Variants in BPIFB2 observed in about 807,000 individuals in gnomAD.
BPIFB2 encodes BPI fold containing family B member 2, also known as BPI fold-containing family B member 2.
Under a neutral mutation model 50.1 loss-of-function variants are expected in BPIFB2, and 39 were observed. The ratio of observed to expected loss-of-function variants is 0.78; its 90% CI spans 0.60 to 1.02. BPIFB2 has a LOEUF of 1.02. Among genes scored for constraint, BPIFB2 ranks in the 50% least tolerant of loss-of-function variants. The pLI, the probability that BPIFB2 is intolerant of heterozygous loss-of-function variation, is 0.00. For missense variants in BPIFB2, 574 were observed against 585.8 expected, an observed-to-expected ratio of 0.98 and a Z score of 0.21; for synonymous variants, 280 against 256.3, an observed-to-expected ratio of 1.09 and a Z score of -0.88.
chr20:33,021,381 G>C (rs1568979992), intron 14 of BPIFB2, 37 bp downstream of exon 14: 2 of 1,583,514 alleles, frequency 1.3e-6, no homozygotes, highest in Non-Finnish European at 1.7e-6. Context: ...GGCCCCTCTG[G>C]CCCCCTCCAT....
chr20:33,019,521 G>T, intron 10 of BPIFB2, 59 bp from the exon 11 acceptor site: 1 of 1,502,212 alleles, frequency 6.7e-7, no homozygotes, highest in South Asian at 1.3e-5. Context: ...AGGAGTGACT[G>T]ACCAGAGAGC....
intron 3 of BPIFB2, among the ~76,000 whole-genome samples, chr20:33,011,512 T>C (rs986934206): frequency 3.3e-5 from 5 of 152,218 alleles, no homozygotes; most frequent in Non-Finnish European, 5.9e-5. Context: ...CTCTGCTTAA[T>C]GCAGAAACTA....
At chr20:33,008,772 GC>G in intron 2 of BPIFB2, 89 bp downstream of exon 2, 2 of 1,136,940 alleles carry the variant, frequency 1.8e-6, no homozygotes, top group Non-Finnish European at 2.4e-6. Context: ...AACTCAAAAG[GC>G]CCATGAGGAC....
At chr20:33,012,042 C>G (rs893152688) in intron 3 of BPIFB2, among the ~76,000 whole-genome samples, 1 of 152,142 alleles carries the variant, frequency 6.6e-6, no homozygotes, top group Non-Finnish European at 1.5e-5. Context: ...CTTTAAGACC[C>G]TGGAACAATG....
intron 15 of BPIFB2, among the ~76,000 whole-genome samples, chr20:33,022,932 A>G (rs1373510388): frequency 6.6e-6 from 1 of 152,032 alleles, no homozygotes; most frequent in Non-Finnish European, 1.5e-5. Flanking sequence ...ATGAAGATTT[A>G]CTGAATGAAT....
intron 11 of BPIFB2, 71 bp downstream of exon 11, chr20:33,019,821 C>T (rs955124335): frequency 2.8e-6 from 4 of 1,449,434 alleles, no homozygotes; most frequent in Non-Finnish European, 3.7e-6. Context: ...TCACTGTCCC[C>T]TCATCTTTGC....
rs1368765501 is a variant in BPIFB2, at chr20:33,008,544, ACAGATCCTGTGGG to A, written c.-27_-15del. ...CTGATGCTCATTTCTACCCCAGCCC[ACAGATCCTGTGGG>A]CAGCGGCCAGGGCAGCCATGGCTTG... On this transcript the variant is annotated 5_prime_UTR_variant, in exon 2 of 16. Coordinates refer to ENST00000170150, the MANE Select transcript of BPIFB2 (RefSeq NM_025227.3). 4 of 1,544,748 alleles carry A rather than the reference ACAGATCCTGTGGG, an allele frequency of 2.6e-6. No homozygotes were observed. The highest frequency in any genetic ancestry group is 3.8e-5 in the Admixed American group (2 of 52,186).
chr20:33,015,626 T>G, intron 6 of BPIFB2, 130 bp downstream of exon 6: 1 of 816,096 alleles, frequency 1.2e-6, no homozygotes, highest in Non-Finnish European at 1.8e-6. Flanking sequence ...CGCCCCTTCA[T>G]GGTCCCCATG....
Position 33,011,196 on chromosome 20 carries a change from C to T in BPIFB2, c.203+79C>T, listed in dbSNP as rs8123719. On this transcript the variant is annotated intron_variant, in intron 3 of 15. Transcript: ENST00000170150. The stretch of plus-strand genomic sequence containing the variant: ...CTGCTTGCCAGGTGGGTGCTTCAGT[C>T]CACCGGGCATGTGCTCCTGCCTGCT... 11,081 of 1,387,012 alleles carry T rather than the reference C, an allele frequency of 8.0e-3. 664 individuals are homozygous for T. In the African/African-American group the frequency reaches 0.13, roughly 17 times the overall value. The allele number at this position is 1,387,012 out of a possible 1,614,324, so 85.9% of individuals were successfully genotyped here. A position where few individuals can be genotyped will look rare whatever the true frequency, so the allele number is the denominator to read the frequency against.
At chr20:33,014,264 C>T (rs897170847) in intron 5 of BPIFB2, among the ~76,000 whole-genome samples, 1 of 152,170 alleles carries the variant, frequency 6.6e-6, no homozygotes, top group African/African-American at 2.4e-5. Flanking sequence ...GCTGTGAGGA[C>T]CTCGGAGACC....
Position 33,008,578 on chromosome 20 carries a change from G to C in BPIFB2, c.4G>C (p.Ala2Pro), listed in dbSNP as rs764443200. M[A>P]WASRLGLLLA... ...GTGGGCAGCGGCCAGGGCAGCCATGGCTTGGGCAAGTAGGCTGGGCCTGCT... is the reference window on the plus strand; with the variant it reads ...GTGGGCAGCGGCCAGGGCAGCCATGCCTTGGGCAAGTAGGCTGGGCCTGCT... The change falls in exon 2 of 16, where the codon GCT becomes CCT. Residue 2 changes from alanine (A) to proline (P), a missense_variant. Physicochemically the swap from Ala to Pro is conservative, Grantham distance 27. Coordinates refer to ENST00000170150, the MANE Select transcript of BPIFB2 (RefSeq NM_025227.3). 3.8e-6 allele frequency: 6 copies of C among 1,594,052 alleles called. No homozygotes were observed. The highest frequency in any genetic ancestry group is 5.1e-6 in the Non-Finnish European group (6 of 1,170,362).
chr20:33,010,483 A>T lies in BPIFB2; in HGVS notation c.110-541A>T, dbSNP rs114849799. On this transcript the variant is annotated intron_variant, in intron 2 of 15. Coordinates refer to ENST00000170150, the MANE Select transcript of BPIFB2 (RefSeq NM_025227.3). Reference sequence around the variant, plus strand: ...CATTAGAATCATTGCAGATGTATAGATGGGGAAACTGAGGCACAGAGTAGC... The same window carrying T: ...CATTAGAATCATTGCAGATGTATAGTTGGGGAAACTGAGGCACAGAGTAGC... 1.7e-3 allele frequency among the ~76,000 whole-genome samples: 252 copies of T among 152,318 alleles called. 3 individuals are homozygous for T. Among genetic ancestry groups the T allele is most frequent in the African/African-American group, 5.7e-3 (237 of 41,556 alleles).
In BPIFB2 at chr20:33,011,181, G is replaced by A. The variant is rs563491758; in HGVS notation, c.203+64G>A. 1.0e-5 allele frequency: 16 copies of A among 1,524,008 alleles called. No individual in the cohort carries two copies. In the Admixed American group the frequency reaches 2.0e-4, roughly 19 times the overall value. 94.4% of individuals were successfully genotyped at this position (1,524,008 alleles called of 1,614,324 possible). ...CCAAGTGGAGTGTTCCTGCTTGCCA[G>A]GTGGGTGCTTCAGTCCACCGGGCAT... is the stretch of plus-strand genomic sequence containing the variant. On this transcript the variant is annotated intron_variant, in intron 3 of 15. Transcript: ENST00000170150.
intron 4 of BPIFB2, among the ~76,000 whole-genome samples, 187 bp from the exon 5 acceptor site, chr20:33,013,623 C>T (rs1401686726): frequency 6.6e-6 from 1 of 152,200 alleles, no homozygotes; most frequent in Non-Finnish European, 1.5e-5. Flanking sequence ...TCTATGACCC[C>T]AAGTGGAGTC....
In BPIFB2 at chr20:33,017,232, T is replaced by G. The variant is rs1018604401; in HGVS notation, c.577+130T>G. 8.6e-6 allele frequency: 6 copies of G among 701,148 alleles called. No homozygotes were observed. The African/African-American group carries it at 1.1e-4, about 13-fold the overall frequency. 43.4% of individuals were successfully genotyped at this position (701,148 alleles called of 1,614,324 possible). ...AGTCAGTTGTAGGGTGACTGAATTG[T>G]GAGCTCCCAAAACAGTGTAATTATT... is the stretch of plus-strand genomic sequence containing the variant. On this transcript the variant is annotated intron_variant, in intron 7 of 15. Transcript: ENST00000170150.
At chr20:33,008,965 G>T (rs541688706) in intron 2 of BPIFB2, among the ~76,000 whole-genome samples, 184 of 152,238 alleles carry the variant, frequency 1.2e-3, no homozygotes, top group Non-Finnish European at 2.0e-3. Flanking sequence ...GGTTTGAGGG[G>T]CTATTTTTAC....
chr20:33,019,219 T>C, intron 10 of BPIFB2, 104 bp downstream of exon 10: 1 of 1,425,016 alleles, frequency 7.0e-7, no homozygotes, highest in Non-Finnish European at 9.9e-7. Context: ...CCAAGTGAAG[T>C]TCAGCATCTG....
chr20:33,008,534 A>T lies in BPIFB2; in HGVS notation c.-34-7A>T. ...GCTGAGCTCCCTGATGCTCATTTCTACCCCAGCCCACAGATCCTGTGGGCA... is the reference window on the plus strand; with the variant it reads ...GCTGAGCTCCCTGATGCTCATTTCTTCCCCAGCCCACAGATCCTGTGGGCA... On this transcript the variant is annotated splice_region_variant and splice_polypyrimidine_tract_variant and intron_variant, in intron 1 of 15. Coordinates refer to ENST00000170150, the MANE Select transcript of BPIFB2 (RefSeq NM_025227.3). 6.6e-7 allele frequency: 1 copy of T among 1,514,652 alleles called. No individual in the cohort carries two copies. Among genetic ancestry groups the T allele is most frequent in the Non-Finnish European group, 8.9e-7 (1 of 1,122,130 alleles). 93.8% of individuals were successfully genotyped at this position (1,514,652 alleles called of 1,614,324 possible). A position where few individuals can be genotyped will look rare whatever the true frequency, so the allele number is the denominator to read the frequency against.
intron 4 of BPIFB2, 117 bp from the exon 5 acceptor site, chr20:33,013,693 G>A (rs1278449277): frequency 1.4e-6 from 2 of 1,415,790 alleles, no homozygotes; most frequent in Non-Finnish European, 1.9e-6. Context: ...GGAGTGGGGG[G>A]CCTGCCTGGG....
Sources: gnomAD v4.1 joint callset for allele counts (sites outside exome capture counted in the v4.1 genomes callset) on GRCh38, gnomAD v4.1.1 for gene constraint, MANE v1.5 for transcripts, NCBI Gene and HGNC (gene_info 2026-07-23, HGNC 2026-07-21) for gene names.